The following CTIF variants were observed in gnomAD, a reference collection of about 807,000 sequenced individuals.
CTIF encodes the protein cap binding complex dependent translation initiation factor, also known as CBP80/20-dependent translation initiation factor.
A neutral mutation model predicts 66.0 loss-of-function variants in CTIF; 21 were observed. That is an observed-to-expected ratio of 0.32 (90% CI 0.23 to 0.46). The LOEUF is 0.46. Ranked by LOEUF, CTIF falls within the 20% of genes least tolerant of loss-of-function variation. CTIF has a pLI of 1.00. For synonymous variants in CTIF, 345 were observed against 326.4 expected, an observed-to-expected ratio of 1.06 and a Z score of -0.62; for missense variants, 739 against 812.7, an observed-to-expected ratio of 0.91 and a Z score of 1.10.
intron 7 of CTIF, among the ~76,000 whole-genome samples, chr18:48,727,048 G>T (rs1452093555): frequency 6.6e-6 from 1 of 150,468 alleles, no homozygotes; most frequent in African/African-American, 2.5e-5. Flanking sequence ...GTAGGCCTGA[G>T]ATTTAAGGAG....
intron 9 of CTIF, among the ~76,000 whole-genome samples, chr18:48,764,597 A>G (rs572544525): frequency 6.6e-6 from 1 of 152,288 alleles, no homozygotes; most frequent in East Asian, 1.9e-4. Context: ...GTCCAGGGCA[A>G]GAAGGGAACC....
rs934238381 is a variant in CTIF at position 48,643,224 on chromosome 18, G to T, written c.252+6539G>T. ...CTGAAAAATCAACTTGTAAAAGGCA[G>T]ATTAATAAGAGAAAAGGCATACACA... On this transcript the variant is annotated intron_variant, in intron 3 of 11. Transcript: ENST00000256413. 6.6e-5 allele frequency among the ~76,000 whole-genome samples: 10 copies of T among 152,210 alleles called. 1 individual carries two copies. The highest frequency in any genetic ancestry group is 2.2e-4 in the African/African-American group (9 of 41,444).
Position 48,859,666 on chromosome 18 carries a change from G to T in CTIF, c.*107G>T, listed in dbSNP as rs894012448. Reference sequence around the variant, plus strand: ...GTGGCCCTGGCGGGAGAAAGAAATGGGGAGGAGGGCAGGCAGAGTCGGTGG... The same window carrying T: ...GTGGCCCTGGCGGGAGAAAGAAATGTGGAGGAGGGCAGGCAGAGTCGGTGG... On this transcript the variant is annotated 3_prime_UTR_variant, in exon 12 of 12. Transcript: ENST00000256413. 1.9e-6 allele frequency: 2 copies of T among 1,047,956 alleles called. No homozygotes were observed. The highest frequency in any genetic ancestry group is 3.7e-5 in the Admixed American group (2 of 53,546). The allele number at this position is 1,047,956 out of a possible 1,614,324, so 64.9% of individuals were successfully genotyped here.
chr18:48,702,561 C>T (rs903652613), intron 6 of CTIF, among the ~76,000 whole-genome samples: 1 of 152,174 alleles, frequency 6.6e-6, no homozygotes, highest in Non-Finnish European at 1.5e-5. Context: ...CAATGTGTGG[C>T]AGGTGGAGGC....
intron 5 of CTIF, among the ~76,000 whole-genome samples, chr18:48,668,151 G>C (rs1256059401): frequency 6.6e-6 from 1 of 152,244 alleles, no homozygotes; most frequent in African/African-American, 2.4e-5. Context: ...AGCCCTCCCT[G>C]CAGGCCTCCA....
chr18:48,677,336 C>G (rs2091647945), intron 6 of CTIF, among the ~76,000 whole-genome samples: 1 of 152,194 alleles, frequency 6.6e-6, no homozygotes, highest in Non-Finnish European at 1.5e-5. Context: ...TCAGGCATCT[C>G]TCTGTGTCCC....
intron 1 of CTIF, among the ~76,000 whole-genome samples, chr18:48,580,434 G>C (rs1216349054): frequency 2.6e-5 from 4 of 152,174 alleles, no homozygotes; most frequent in Admixed American, 1.3e-4. Context: ...GTGGAGGCTG[G>C]GGAAACATTC....
chr18:48,780,193 C>T (rs1911073376), intron 9 of CTIF, among the ~76,000 whole-genome samples: 1 of 152,140 alleles, frequency 6.6e-6, no homozygotes, highest in Non-Finnish European at 1.5e-5. Flanking sequence ...AAAACTAGAG[C>T]CTGTGCGCTA....
At chr18:48,652,887 A>C (rs1229146231) in intron 3 of CTIF, among the ~76,000 whole-genome samples, 2 of 152,254 alleles carry the variant, frequency 1.3e-5, no homozygotes, top group Non-Finnish European at 1.5e-5. Flanking sequence ...CCACATGATT[A>C]TCTCAATAGA....
chr18:48,648,131 A>G (rs903256245), intron 3 of CTIF, among the ~76,000 whole-genome samples: 10 of 152,004 alleles, frequency 6.6e-5, no homozygotes, highest in African/African-American at 2.2e-4. Flanking sequence ...TCCATTTAAA[A>G]CCTAAATCAC....
chr18:48,750,795 C>A (rs1907731884), intron 7 of CTIF, among the ~76,000 whole-genome samples: 1 of 152,240 alleles, frequency 6.6e-6, no homozygotes, highest in African/African-American at 2.4e-5. Context: ...CATAGGACAG[C>A]CCACAGCTCC....
chr18:48,846,720 CGGAT>C (rs747412531), intron 10 of CTIF, among the ~76,000 whole-genome samples: 36 of 92,188 alleles, frequency 3.9e-4, no homozygotes, highest in Admixed American at 7.6e-4. Context: ...GATAGATGGG[CGGAT>C]GGATGGATGG....
intron 7 of CTIF, among the ~76,000 whole-genome samples, chr18:48,732,436 G>C (rs1233851693): frequency 6.6e-6 from 1 of 151,796 alleles, no homozygotes; most frequent in African/African-American, 2.4e-5. Context: ...TTACCTTGAT[G>C]ACGGGGCTGA....
At chr18:48,594,367 G>C (rs1336221942) in intron 1 of CTIF, among the ~76,000 whole-genome samples, 2 of 110,898 alleles carry the variant, frequency 1.8e-5, no homozygotes, top group African/African-American at 7.0e-5. Flanking sequence ...AAATTATATA[G>C]CCAGTCCTGC....
intron 9 of CTIF, among the ~76,000 whole-genome samples, chr18:48,797,492 A>AGGGGGGGGGGGG (rs1226021396): frequency 7.7e-6 from 1 of 129,874 alleles, no homozygotes; most frequent in African/African-American, 3.1e-5. Context: ...AAAAAAGAAA[A>AGGGGGGGGGGGG]GGGGTGGGGG....
At chr18:48,584,708 G>GA (rs975082355) in intron 1 of CTIF, among the ~76,000 whole-genome samples, 132 of 152,186 alleles carry the variant, frequency 8.7e-4, no homozygotes, top group African/African-American at 2.9e-3. Context: ...CCACCATGCT[G>GA]AACCCAGTCC....
intron 7 of CTIF, among the ~76,000 whole-genome samples, chr18:48,716,929 C>G (rs2092287414): frequency 6.6e-6 from 1 of 152,252 alleles, no homozygotes; most frequent in African/African-American, 2.4e-5. Flanking sequence ...GCCAGCCCAG[C>G]TAGTGTCAGA....
At chr18:48,669,790 C>T (rs1436447625) in intron 5 of CTIF, among the ~76,000 whole-genome samples, 3 of 35,954 alleles carry the variant, frequency 8.3e-5, no homozygotes, top group Non-Finnish European at 1.9e-4. Flanking sequence ...ACAAGCTAAA[C>T]ATTTATATAT....
At chr18:48,587,075 CTTTTTTT>C (rs778079682) in intron 1 of CTIF, among the ~76,000 whole-genome samples, 1 of 128,008 alleles carries the variant, frequency 7.8e-6, no homozygotes, top group African/African-American at 2.9e-5. Flanking sequence ...AAGCCACATT[CTTTTTTT>C]TTTTTTTTTT....
Sources: allele counts gnomAD v4.1 joint callset (sites outside exome capture counted in the v4.1 genomes callset), GRCh38; gene constraint gnomAD v4.1.1; transcripts MANE v1.5; gene names NCBI Gene and HGNC (gene_info 2026-07-23, HGNC 2026-07-21).